The following PPARGC1A variants were observed in gnomAD, a reference collection of about 807,000 sequenced individuals.
PPARGC1A encodes the protein peroxisome proliferator-activated receptor gamma coactivator 1-alpha.
PPARGC1A carries 25 observed loss-of-function variants against 88.7 expected under a neutral mutation model. That is an observed-to-expected ratio of 0.28 (90% CI 0.21 to 0.39). The LOEUF (loss-of-function observed/expected upper bound fraction) is 0.39, where lower values mean the gene tolerates loss of function less well. Among genes scored for constraint, PPARGC1A ranks in the 10% least tolerant of loss-of-function variants. The pLI is 1.00. For synonymous variants in PPARGC1A, 363 were observed against 355.6 expected (o/e 1.02, Z -0.24); for missense variants, 880 against 968.7 (o/e 0.91, Z 1.22).
the PPARGC1A span, among the ~76,000 whole-genome samples, chr4:24,168,019 T>C: frequency 6.6e-6 from 1 of 152,190 alleles, no homozygotes. Context: ...CCTCCCAAAG[T>C]GCTGAGATTA....
the PPARGC1A span, among the ~76,000 whole-genome samples, chr4:24,380,751 G>A: frequency 6.6e-6 from 1 of 152,200 alleles, no homozygotes; most frequent in Non-Finnish European, 1.5e-5. Context: ...ACACAGAGGT[G>A]AATGAGAAGA....
the PPARGC1A span, among the ~76,000 whole-genome samples, chr4:24,106,754 G>C: frequency 1.3e-5 from 2 of 152,096 alleles, no homozygotes; most frequent in Non-Finnish European, 2.9e-5. Context: ...CCCTTGCTTC[G>C]GTCAATAGTC....
chr4:24,453,844 AC>A, the PPARGC1A span, among the ~76,000 whole-genome samples: 1 of 148,462 alleles, frequency 6.7e-6, no homozygotes, highest in Non-Finnish European at 1.5e-5. Flanking sequence ...CCTCCACCCC[AC>A]CTCCACATAC....
the PPARGC1A span, among the ~76,000 whole-genome samples, chr4:24,440,080 C>T: frequency 6.6e-6 from 1 of 152,156 alleles, no homozygotes; most frequent in Non-Finnish European, 1.5e-5. Flanking sequence ...TCTCTGAGTC[C>T]CTATAACAAT....
chr4:24,393,639 G>C, the PPARGC1A span, among the ~76,000 whole-genome samples: 2 of 152,140 alleles, frequency 1.3e-5, no homozygotes, highest in Admixed American at 1.3e-4. Flanking sequence ...GAACAGCATG[G>C]GCAAACACAC....
At chr4:24,124,111 T>C in the PPARGC1A span, among the ~76,000 whole-genome samples, 2 of 152,078 alleles carry the variant, frequency 1.3e-5, no homozygotes, top group African/African-American at 4.8e-5. Flanking sequence ...TGGCTGTGAA[T>C]ACCACCTTCA....
chr4:24,155,610 A>G, the PPARGC1A span, among the ~76,000 whole-genome samples: 1 of 151,996 alleles, frequency 6.6e-6, no homozygotes. Flanking sequence ...AAAAAAAAAA[A>G]AATACAAGAG....
the PPARGC1A span, among the ~76,000 whole-genome samples, chr4:24,094,016 T>C: frequency 2.0e-5 from 3 of 152,066 alleles, no homozygotes; most frequent in African/African-American, 4.8e-5. Context: ...TCCAAGGAAA[T>C]GTAAGAGGGT....
At position 23,814,231 on chromosome 4, in the gene PPARGC1A, C is replaced by G. The variant is rs980218887; in HGVS notation, c.1252G>C (p.Asp418His). The G allele has an allele frequency of 1.2e-6, 2 of 1,613,968 alleles. No homozygotes were observed. Among genetic ancestry groups the G allele is most frequent in the African/African-American group, 2.7e-5 (2 of 74,920 alleles). Residue 418 changes from aspartate (D) to histidine (H), a missense_variant, in exon 8 of 13, where the codon GAT (aspartate) becomes CAT (histidine). Physicochemically the swap from Asp to His is moderately conservative, Grantham distance 81 (BLOSUM62 -1). Transcript: ENST00000264867. ...GAAGAACAAATCTGCCCCTGCCAATCAGAGGAGACATCTTTATTTTCTAGT... is the reference window on the plus strand; with the variant it reads ...GAAGAACAAATCTGCCCCTGCCAATGAGAGGAGACATCTTTATTTTCTAGT... ...RQLENKDVSS[D>H]WQGQICSSTD...
chr4:23,966,837 T>C, the PPARGC1A span, among the ~76,000 whole-genome samples: 65 of 152,308 alleles, frequency 4.3e-4, no homozygotes, highest in African/African-American at 1.5e-3. Flanking sequence ...TTGTTAGCAC[T>C]GCAGGTTCAA....
At chr4:24,424,874 C>G in the PPARGC1A span, among the ~76,000 whole-genome samples, 2 of 152,300 alleles carry the variant, frequency 1.3e-5, no homozygotes, top group East Asian at 3.9e-4. Context: ...CTGGGAACAT[C>G]TAGAAGAATG....
the PPARGC1A span, among the ~76,000 whole-genome samples, chr4:24,433,863 G>C: frequency 6.6e-6 from 1 of 152,100 alleles, no homozygotes; most frequent in African/African-American, 2.4e-5. Flanking sequence ...CAACCTGGCA[G>C]GGCCCCAGGA....
the PPARGC1A span, among the ~76,000 whole-genome samples, chr4:24,080,672 G>A: frequency 6.6e-6 from 1 of 151,986 alleles, no homozygotes; most frequent in Non-Finnish European, 1.5e-5. Flanking sequence ...CTTTGCCAAG[G>A]GATTTAACTA....
At chr4:24,162,561 G>T in the PPARGC1A span, among the ~76,000 whole-genome samples, 4 of 150,068 alleles carry the variant, frequency 2.7e-5, no homozygotes, top group Non-Finnish European at 5.9e-5. Flanking sequence ...TATGTTAAGG[G>T]CCTTTCCTGA....
the PPARGC1A span, among the ~76,000 whole-genome samples, chr4:24,075,521 A>T: frequency 1.3e-5 from 2 of 152,152 alleles, no homozygotes; most frequent in African/African-American, 4.8e-5. Context: ...AAATACGATG[A>T]TATGGTTTGG....
the PPARGC1A span, among the ~76,000 whole-genome samples, chr4:24,387,754 G>GAA: frequency 1.6e-5 from 1 of 64,252 alleles, no homozygotes. Flanking sequence ...GAAAGAGAGA[G>GAA]AGAGAGAGAG....
the PPARGC1A span, among the ~76,000 whole-genome samples, chr4:24,077,624 G>GGTGTGTGTGTGTGTGTGT: frequency 4.6e-5 from 6 of 130,898 alleles, no homozygotes; most frequent in African/African-American, 1.7e-4. Flanking sequence ...TGTGTCTAGG[G>GGTGTGTGTGTGTGTGTGT]GTGTGTGTGT....
the PPARGC1A span, among the ~76,000 whole-genome samples, chr4:24,138,273 A>T: frequency 6.6e-6 from 1 of 152,178 alleles, no homozygotes; most frequent in African/African-American, 2.4e-5. Context: ...ACCTGAGAGC[A>T]TATCCACCCA....
chr4:23,844,518 A>G (rs1221081841), intron 2 of PPARGC1A, among the ~76,000 whole-genome samples: 1 of 115,938 alleles, frequency 8.6e-6, no homozygotes, highest in Non-Finnish European at 1.6e-5. Context: ...TAATATAATA[A>G]TCACATAATA....
Sources: gnomAD v4.1 joint callset for allele counts (sites outside exome capture counted in the v4.1 genomes callset) on GRCh38, gnomAD v4.1.1 for gene constraint, MANE v1.5 for transcripts, NCBI Gene and HGNC (gene_info 2026-07-23, HGNC 2026-07-21) for gene names.